Variants in PLCL1 observed in about 807,000 individuals in gnomAD.
PLCL1 encodes the protein phospholipase C like 1 (inactive), also known as inactive phospholipase C-like protein 1.
In PLCL1, 41 loss-of-function variants were observed where a neutral mutation model predicts 84.4. The observed-to-expected ratio is 0.49, with a 90% confidence interval of 0.38 to 0.63. The LOEUF is 0.63. PLCL1 is among the 30% of genes least tolerant of loss of function. The pLI is 0.00. For synonymous variants in PLCL1, 490 were observed against 488.3 expected (o/e 1.00, Z -0.05); for missense variants, 1,206 against 1,367.8 (o/e 0.88, Z 1.87).
intron 1 of PLCL1, among the ~76,000 whole-genome samples, chr2:197,897,182 T>TCTTCTCCTC: frequency 2.2e-5 from 1 of 45,926 alleles, no homozygotes; most frequent in East Asian, 5.2e-4. Context: ...TTCTTCTTCT[T>TCTTCTCCTC]CTTCTTCTCC....
In PLCL1 at chr2:198,147,203, A is replaced by AGTGTGTGTGT. The variant is rs55930007; in HGVS notation, c.*263_*272dup. 0.14 allele frequency: 25,505 copies of AGTGTGTGTGT among 187,338 alleles called. 2,489 individuals are homozygous for AGTGTGTGTGT. The highest frequency in any genetic ancestry group is 0.36 in the East Asian group (2,438 of 6,706). The allele number at this position is 187,338 out of a possible 1,614,324, so 11.6% of individuals were successfully genotyped here. ...ACCCCTGTGTGGATGCCTGTGGAAG[A>AGTGTGTGTGT]GTGTGTGTGTGTGTGTGTGTGTGTG... On this transcript the variant is annotated 3_prime_UTR_variant, in exon 6 of 6. Coordinates refer to ENST00000428675, the MANE Select transcript of PLCL1 (RefSeq NM_006226.4).
At chr2:198,125,789 A>G (rs1489932182) in intron 5 of PLCL1, among the ~76,000 whole-genome samples, 1 of 152,152 alleles carries the variant, frequency 6.6e-6, no homozygotes, top group African/African-American at 2.4e-5. Flanking sequence ...TTCTAGTACT[A>G]AAACATCCTC....
chr2:197,839,650 C>A (rs1686950912), intron 1 of PLCL1, among the ~76,000 whole-genome samples: 1 of 152,200 alleles, frequency 6.6e-6, no homozygotes, highest in Non-Finnish European at 1.5e-5. Flanking sequence ...AATAATAATT[C>A]TAACAAGCCA....
chr2:197,949,869 G>A (rs1689354938), intron 1 of PLCL1, among the ~76,000 whole-genome samples: 1 of 152,166 alleles, frequency 6.6e-6, no homozygotes, highest in African/African-American at 2.4e-5. Context: ...TTGTGTGCGT[G>A]GGATTTATGA....
chr2:198,052,931 A>G (rs944396292), intron 1 of PLCL1, among the ~76,000 whole-genome samples: 2 of 152,210 alleles, frequency 1.3e-5, no homozygotes, highest in Non-Finnish European at 2.9e-5. Context: ...CTTATTATAT[A>G]AAAGTAATCA....
chr2:198,098,753 C>T (rs1473273966), intron 3 of PLCL1, among the ~76,000 whole-genome samples: 1 of 152,112 alleles, frequency 6.6e-6, no homozygotes, highest in Non-Finnish European at 1.5e-5. Context: ...ATTGACTTTG[C>T]AATGATTCTG....
At chr2:197,864,192 A>G (rs1415445635) in intron 1 of PLCL1, among the ~76,000 whole-genome samples, 1 of 152,186 alleles carries the variant, frequency 6.6e-6, no homozygotes, top group Non-Finnish European at 1.5e-5. Flanking sequence ...GGTTAGAAGA[A>G]CAATGAGAAG....
intron 1 of PLCL1, among the ~76,000 whole-genome samples, chr2:198,007,183 G>A (rs966931701): frequency 6.6e-6 from 1 of 152,168 alleles, no homozygotes; most frequent in African/African-American, 2.4e-5. Flanking sequence ...CATAGAAGAA[G>A]CTATAATATG....
intron 1 of PLCL1, among the ~76,000 whole-genome samples, chr2:197,898,653 A>G (rs1438527428): frequency 6.9e-6 from 1 of 145,486 alleles, no homozygotes; most frequent in Non-Finnish European, 1.5e-5. Flanking sequence ...CTCTGTTCCT[A>G]GTTTTGTCTT....
chr2:197,814,463 G>A (rs954052886), intron 1 of PLCL1, among the ~76,000 whole-genome samples: 9 of 152,186 alleles, frequency 5.9e-5, no homozygotes, highest in Non-Finnish European at 1.3e-4. Context: ...CTGACCTGCC[G>A]TTGTCAGTGT....
rs144497717 is a variant in PLCL1, at chr2:198,080,451, G to A, written c.241-3307G>A. ...AGGGAATACAGATGTAGGGGTGTAG[G>A]ACTCTGGTGGTGGTGAAGCTTAGAA... is the stretch of plus-strand genomic sequence containing the variant. On this transcript the variant is annotated intron_variant, in intron 1 of 5. Coordinates refer to ENST00000428675, the MANE Select transcript of PLCL1 (RefSeq NM_006226.4). 8.8e-4 allele frequency among the ~76,000 whole-genome samples: 120 copies of A among 135,838 alleles called. 3 individuals are homozygous for A. The South Asian group carries it at 0.015, about 17-fold the overall frequency. 89.1% of individuals were successfully genotyped at this position (135,838 alleles called of 152,430 possible). A position where few individuals can be genotyped will look rare whatever the true frequency, so the allele number is the denominator to read the frequency against.
At chr2:198,019,780 A>G (rs1038804155) in intron 1 of PLCL1, among the ~76,000 whole-genome samples, 1 of 152,264 alleles carries the variant, frequency 6.6e-6, no homozygotes, top group East Asian at 1.9e-4. Context: ...TCTGAAAGTG[A>G]CAAGGAGAAT....
At chr2:198,012,147 G>A (rs1024659103) in intron 1 of PLCL1, among the ~76,000 whole-genome samples, 2 of 152,092 alleles carry the variant, frequency 1.3e-5, no homozygotes, top group Admixed American at 6.6e-5. Flanking sequence ...GTTCCCCAAA[G>A]CTCAGAGTGA....
In PLCL1 at chr2:198,084,567, G is replaced by A; in HGVS notation, c.1050G>A (p.Glu350=). 1 of 1,613,720 alleles carries A rather than the reference G, an allele frequency of 6.2e-7. No individual in the cohort carries two copies. The highest frequency in any genetic ancestry group is 1.1e-5 in the South Asian group (1 of 91,080). Reference sequence around the variant, plus strand: ...AGCAAGGAGTCACCCATATCACCGAGGATATATGCTTAGACATCATAAGGA... The same window carrying A: ...AGCAAGGAGTCACCCATATCACCGAAGATATATGCTTAGACATCATAAGGA... The part of the protein sequence containing the change: ...EAEQGVTHIT[E]DICLDIIRRY... The change falls in exon 2 of 6, where the codon GAG becomes GAA. Residue 350 remains glutamate, a synonymous_variant. Transcript: ENST00000428675.
At chr2:197,822,056 CT>C (rs1164874282) in intron 1 of PLCL1, among the ~76,000 whole-genome samples, 1 of 152,124 alleles carries the variant, frequency 6.6e-6, no homozygotes, top group African/African-American at 2.4e-5. Flanking sequence ...ATGGACTGCA[CT>C]TTTTATCCTG....
intron 1 of PLCL1, among the ~76,000 whole-genome samples, chr2:198,027,457 C>G (rs556190583): frequency 6.6e-6 from 1 of 152,012 alleles, no homozygotes; most frequent in South Asian, 2.1e-4. Context: ...TTAATAAAAA[C>G]GTATTGTATA....
intron 5 of PLCL1, among the ~76,000 whole-genome samples, chr2:198,127,004 G>GTA (rs1167062470): frequency 1.9e-5 from 1 of 51,748 alleles, no homozygotes; most frequent in Non-Finnish European, 3.9e-5. Context: ...GTGTGTGTGT[G>GTA]TGTGTGTGGG....
chr2:198,120,446 C>T (rs1265571699), intron 5 of PLCL1, among the ~76,000 whole-genome samples: 2 of 151,972 alleles, frequency 1.3e-5, no homozygotes, highest in Non-Finnish European at 2.9e-5. Flanking sequence ...TACCCATTAA[C>T]CATCCTCATC....
intron 1 of PLCL1, among the ~76,000 whole-genome samples, chr2:197,894,969 T>C (rs542043541): frequency 6.6e-6 from 1 of 152,186 alleles, no homozygotes; most frequent in East Asian, 1.9e-4. Flanking sequence ...TTGTTTTCCA[T>C]ACAACACCAT....
Sources: gnomAD v4.1 joint callset for allele counts (sites outside exome capture counted in the v4.1 genomes callset) on GRCh38, gnomAD v4.1.1 for gene constraint, MANE v1.5 for transcripts, NCBI Gene and HGNC (gene_info 2026-07-23, HGNC 2026-07-21) for gene names.